Variants in AUTS2 observed in about 807,000 individuals in gnomAD.
AUTS2 encodes autism susceptibility gene 2 protein.
A neutral mutation model predicts 112.4 loss-of-function variants in AUTS2; 17 were observed. The ratio of observed to expected loss-of-function variants is 0.15; its 90% CI spans 0.10 to 0.23. AUTS2 has a LOEUF of 0.23. Among genes scored for constraint, AUTS2 ranks in the 10% least tolerant of loss-of-function variants. The probability of loss-of-function intolerance (pLI) is 1.00; values close to 1 mark genes in which losing one functional copy is unlikely to be tolerated. For synonymous variants in AUTS2, 751 were observed against 702.7 expected (o/e 1.07, Z -1.09); for missense variants, 1,510 against 1,701.6 (o/e 0.89, Z 1.98).
intron 4 of AUTS2, among the ~76,000 whole-genome samples, chr7:70,287,351 A>G (rs769460159): frequency 6.6e-6 from 1 of 152,134 alleles, no homozygotes; most frequent in Admixed American, 6.5e-5. Flanking sequence ...ATTCTGGATA[A>G]ATTATTATTT....
chr7:70,424,653 CA>C (rs1367536282), intron 4 of AUTS2, among the ~76,000 whole-genome samples: 1 of 152,112 alleles, frequency 6.6e-6, no homozygotes, highest in Non-Finnish European at 1.5e-5. Context: ...ATGACATGAT[CA>C]GAGCTAACTG....
intron 5 of AUTS2, among the ~76,000 whole-genome samples, chr7:70,506,967 G>A (rs1226449061): frequency 5.3e-5 from 8 of 152,206 alleles, no homozygotes; most frequent in Non-Finnish European, 8.8e-5. Flanking sequence ...CTGTCCCAGC[G>A]CAGAGAGCTC....
At chr7:70,270,193 A>G (rs926200017) in intron 4 of AUTS2, among the ~76,000 whole-genome samples, 5 of 152,190 alleles carry the variant, frequency 3.3e-5, no homozygotes, top group African/African-American at 1.2e-4. Context: ...TTATGAATAT[A>G]ACATGATTAT....
intron 5 of AUTS2, among the ~76,000 whole-genome samples, chr7:70,636,845 G>T (rs1343429957): frequency 6.6e-6 from 1 of 151,878 alleles, no homozygotes; most frequent in East Asian, 1.9e-4. Flanking sequence ...GTCTTGCTAT[G>T]TTGCCCAGGC....
chr7:70,630,307 A>C (rs561719451), intron 5 of AUTS2, among the ~76,000 whole-genome samples: 1 of 152,212 alleles, frequency 6.6e-6, no homozygotes, highest in South Asian at 2.1e-4. Flanking sequence ...GTTGTAAAGC[A>C]CAGCCTATTT....
At chr7:69,610,556 G>T (rs1382218868) in intron 1 of AUTS2, among the ~76,000 whole-genome samples, 1 of 152,164 alleles carries the variant, frequency 6.6e-6, no homozygotes, top group African/African-American at 2.4e-5. Flanking sequence ...TTTCCTGCAC[G>T]TGTTCCCGGT....
chr7:70,434,180 A>G (rs538944739), intron 4 of AUTS2, among the ~76,000 whole-genome samples: 2 of 152,350 alleles, frequency 1.3e-5, no homozygotes, highest in East Asian at 3.9e-4. Flanking sequence ...TAGAGCCCTC[A>G]GCAGATTTCA....
intron 1 of AUTS2, among the ~76,000 whole-genome samples, chr7:69,896,861 T>C (rs1794769954): frequency 6.6e-6 from 1 of 152,224 alleles, no homozygotes; most frequent in Non-Finnish European, 1.5e-5. Context: ...CTTTCAGATC[T>C]AGGTCAAATA....
chr7:70,429,274 C>A (rs1795554256), intron 4 of AUTS2, among the ~76,000 whole-genome samples: 1 of 152,186 alleles, frequency 6.6e-6, no homozygotes, highest in Non-Finnish European at 1.5e-5. Flanking sequence ...CCTAGAGATA[C>A]AAAGATAAGC....
At chr7:69,624,590 G>A (rs909590029) in intron 1 of AUTS2, among the ~76,000 whole-genome samples, 3 of 152,206 alleles carry the variant, frequency 2.0e-5, no homozygotes, top group African/African-American at 7.2e-5. Context: ...TGGAGGGAGA[G>A]AGCTGTCTGC....
At chr7:70,533,136 A>G (rs1321653881) in intron 5 of AUTS2, among the ~76,000 whole-genome samples, 2 of 152,068 alleles carry the variant, frequency 1.3e-5, no homozygotes, top group Non-Finnish European at 2.9e-5. Context: ...TTATTTATTT[A>G]TTTAGAGACT....
intron 4 of AUTS2, among the ~76,000 whole-genome samples, chr7:70,427,288 C>T (rs1299825950): frequency 6.6e-6 from 1 of 152,142 alleles, no homozygotes; most frequent in Non-Finnish European, 1.5e-5. Context: ...TACAAATCAC[C>T]GGGCCCCAGA....
intron 4 of AUTS2, among the ~76,000 whole-genome samples, chr7:70,320,256 A>G (rs1008350552): frequency 3.3e-5 from 5 of 152,218 alleles, no homozygotes; most frequent in African/African-American, 1.2e-4. Context: ...TGAAAAGAGC[A>G]TTCTTCATGC....
At chr7:69,811,241 A>G (rs903915318) in intron 1 of AUTS2, among the ~76,000 whole-genome samples, 2 of 152,122 alleles carry the variant, frequency 1.3e-5, no homozygotes, top group Middle Eastern at 3.2e-3. Context: ...AATCTAGCAC[A>G]GATTAAAACT....
At chr7:70,230,328 T>A (rs748558257) in intron 4 of AUTS2, among the ~76,000 whole-genome samples, 70 of 152,312 alleles carry the variant, frequency 4.6e-4, no homozygotes, top group Middle Eastern at 6.8e-3. Context: ...GTTTCCCTCA[T>A]AATGTGTGGC....
chr7:69,923,330 C>T (rs977854018), intron 2 of AUTS2, among the ~76,000 whole-genome samples: 2 of 152,108 alleles, frequency 1.3e-5, no homozygotes, highest in Non-Finnish European at 2.9e-5. Flanking sequence ...CTATTCTGTT[C>T]CTTTGATCTA....
chr7:69,996,742 A>AAT (rs1344400800), intron 2 of AUTS2, among the ~76,000 whole-genome samples: 1 of 152,154 alleles, frequency 6.6e-6, no homozygotes, highest in Admixed American at 6.6e-5. Flanking sequence ...ATATATCTTT[A>AAT]ATAAATACTC....
At position 69,695,542 on chromosome 7, in the gene AUTS2, C is replaced by T. The variant is rs556298107; in HGVS notation, c.309+95580C>T. On this transcript the variant is annotated intron_variant, in intron 1 of 18. Transcript: ENST00000342771. ...GATTTGGATGAATTTGAATCACATTCGACTAAATATTGTGCTTTTTAATAC... is the reference window on the plus strand; with the variant it reads ...GATTTGGATGAATTTGAATCACATTTGACTAAATATTGTGCTTTTTAATAC... Among the ~76,000 whole-genome samples the T allele has an allele frequency of 2.4e-4, 36 of 152,006 alleles. No individual in the cohort carries two copies. In the East Asian group the frequency reaches 5.6e-3, roughly 24 times the overall value.
rs1806536909 is a variant in AUTS2 at position 70,652,056 on chromosome 7, C to G, written c.691-46513C>G. On this transcript the variant is annotated intron_variant, in intron 5 of 18. Transcript: ENST00000342771. ...CGTCACGGTTGCACGTTGCTCTAAT[C>G]CCATGTATATTACTGTGTCTATTTG... 3.3e-5 allele frequency among the ~76,000 whole-genome samples: 5 copies of G among 152,250 alleles called. No individual in the cohort carries two copies. The South Asian group carries it at 1.0e-3, about 32-fold the overall frequency.
Sources: gnomAD v4.1 joint callset for allele counts (sites outside exome capture counted in the v4.1 genomes callset) on GRCh38, gnomAD v4.1.1 for gene constraint, MANE v1.5 for transcripts, NCBI Gene and HGNC (gene_info 2026-07-23, HGNC 2026-07-21) for gene names.